NLGN4X: variants seen among roughly 807,000 people sequenced by gnomAD.
NLGN4X encodes the protein neuroligin 4 X-linked.
In NLGN4X, 3 loss-of-function variants were observed where a neutral mutation model predicts 40.3. The ratio of observed to expected loss-of-function variants is 0.07; its 90% CI spans 0.03 to 0.19. The LOEUF (loss-of-function observed/expected upper bound fraction) is 0.19. Among genes scored for constraint, NLGN4X ranks in the 10% least tolerant of loss-of-function variants. NLGN4X has a pLI of 1.00. For synonymous variants in NLGN4X, 270 were observed against 306.8 expected, an observed-to-expected ratio of 0.88 and a Z score of 1.25; for missense variants, 382 against 708.3, an observed-to-expected ratio of 0.54 and a Z score of 5.23.
chrX:6,214,157 A>G (rs966747197), intron 1 of NLGN4X, among the ~76,000 whole-genome samples: 38 of 111,919 alleles, frequency 3.4e-4, no homozygotes, highest in Non-Finnish European at 9.4e-5. Context: ...ACCCCAAAAT[A>G]TGAATGTCAG....
intron 2 of NLGN4X, among the ~76,000 whole-genome samples, chrX:6,112,628 G>C (rs2039178757): frequency 9.5e-6 from 1 of 105,237 alleles, no homozygotes; most frequent in African/African-American, 3.5e-5. Flanking sequence ...CTATCACCCA[G>C]GCTGGAGTGC....
At chrX:6,071,376 T>G (rs1425289362) in intron 2 of NLGN4X, among the ~76,000 whole-genome samples, 3 of 111,254 alleles carry the variant, frequency 2.7e-5, no homozygotes, top group African/African-American at 9.8e-5. Flanking sequence ...GGGAGAGTAA[T>G]ACGCCCATTT....
rs982565371 is a variant in NLGN4X at position 5,941,950 on chromosome X, T to G, written c.626-32711A>C. 3.6e-5 allele frequency among the ~76,000 whole-genome samples: 4 copies of G among 112,106 alleles called. 1 individual carries two copies. The highest frequency in any genetic ancestry group is 7.5e-5 in the Non-Finnish European group (4 of 53,250). On this transcript the variant is annotated intron_variant, in intron 3 of 5. Transcript: ENST00000381095. ...TAAAATGGTTTCTACATGTTGAGTC[T>G]TTTAAATTAAAAAGGACAAATAGGC...
intron 3 of NLGN4X, among the ~76,000 whole-genome samples, chrX:6,018,392 A>G (rs1296530632): frequency 8.9e-6 from 1 of 112,305 alleles, no homozygotes; most frequent in Admixed American, 9.4e-5. Flanking sequence ...TCATTCCAAA[A>G]TGTTCTCCCA....
intron 2 of NLGN4X, among the ~76,000 whole-genome samples, chrX:6,112,647 G>C (rs7889266): frequency 3.8e-5 from 4 of 105,670 alleles, no homozygotes; most frequent in African/African-American, 1.4e-4. Flanking sequence ...GCAATGGCGC[G>C]ATCTCGGCTC....
At chrX:6,052,434 C>T (rs1371665878) in intron 2 of NLGN4X, among the ~76,000 whole-genome samples, 1 of 112,352 alleles carries the variant, frequency 8.9e-6, no homozygotes, top group Admixed American at 9.4e-5. Flanking sequence ...TCTGTTTAGC[C>T]AGCCCCACAA....
intron 4 of NLGN4X, among the ~76,000 whole-genome samples, chrX:5,908,019 C>T (rs1016174757): frequency 1.4e-4 from 10 of 72,507 alleles, no homozygotes; most frequent in Non-Finnish European, 7.3e-5. Context: ...GGGAGAAAGA[C>T]AGGGAGAGTG....
intron 2 of NLGN4X, among the ~76,000 whole-genome samples, chrX:6,039,843 C>T (rs1312744597): frequency 8.9e-6 from 1 of 112,347 alleles, no homozygotes; most frequent in Non-Finnish European, 1.9e-5. Context: ...TTCATGGATG[C>T]TGGCCTCTTT....
chrX:5,902,683 C>A (rs939527947), intron 5 of NLGN4X, among the ~76,000 whole-genome samples: 2 of 112,030 alleles, frequency 1.8e-5, no homozygotes, highest in African/African-American at 6.5e-5. Context: ...CAGAGTGAGA[C>A]TGTGTCTCTA....
At chrX:6,048,657 T>C (rs1177071213) in intron 2 of NLGN4X, among the ~76,000 whole-genome samples, 1 of 111,552 alleles carries the variant, frequency 9.0e-6, no homozygotes, top group African/African-American at 3.3e-5. Flanking sequence ...TGGAATACTA[T>C]GCAGCCATAA....
intron 2 of NLGN4X, among the ~76,000 whole-genome samples, chrX:6,076,264 G>A (rs1020305341): frequency 8.9e-6 from 1 of 112,125 alleles, no homozygotes; most frequent in South Asian, 3.7e-4. Flanking sequence ...AGGAATTAAC[G>A]TATGTTATCC....
At chrX:6,007,732 A>C (rs777266529) in intron 3 of NLGN4X, among the ~76,000 whole-genome samples, 1 of 111,787 alleles carries the variant, frequency 8.9e-6, no homozygotes, top group East Asian at 2.8e-4. Context: ...GATACATATA[A>C]AATTTTCTCC....
intron 1 of NLGN4X, among the ~76,000 whole-genome samples, chrX:6,171,080 T>G (rs1355349362): frequency 2.7e-5 from 3 of 112,370 alleles, no homozygotes; most frequent in East Asian, 5.6e-4. Flanking sequence ...TATCTTGGCC[T>G]CCCAGAGTGC....
At chrX:5,941,063 G>A (rs1165141850) in intron 3 of NLGN4X, among the ~76,000 whole-genome samples, 1 of 108,050 alleles carries the variant, frequency 9.3e-6, no homozygotes, top group African/African-American at 3.4e-5. Context: ...AGGAGGTCGA[G>A]GCTGCAGTGA....
intron 3 of NLGN4X, among the ~76,000 whole-genome samples, chrX:5,995,310 G>C: frequency 8.9e-6 from 1 of 112,986 alleles, no homozygotes. Context: ...AGATGAGTCA[G>C]GGAGAAGCGA....
chrX:5,890,104 C>T lies in NLGN4X; in HGVS notation c.*2713G>A, dbSNP rs750724633. 369 of 216,373 alleles carry T rather than the reference C, an allele frequency of 1.7e-3. No homozygotes were observed. Among genetic ancestry groups the T allele is most frequent in the Non-Finnish European group, 2.7e-3 (319 of 119,765 alleles). The allele number at this position is 216,373 out of a possible 1,213,427, so 17.8% of individuals were successfully genotyped here. A position where few individuals can be genotyped will look rare whatever the true frequency, so the allele number is the denominator to read the frequency against. ...GCTGAAAAGTTTATACATATGTGTCCGGCCATATATATCTTCTATCATTAC... is the reference window on the plus strand; with the variant it reads ...GCTGAAAAGTTTATACATATGTGTCTGGCCATATATATCTTCTATCATTAC... On this transcript the variant is annotated 3_prime_UTR_variant, in exon 6 of 6. Coordinates refer to ENST00000381095, the MANE Select transcript of NLGN4X (RefSeq NM_181332.3).
chrX:6,011,745 G>A (rs1211661157), intron 3 of NLGN4X, among the ~76,000 whole-genome samples: 4 of 111,075 alleles, frequency 3.6e-5, no homozygotes, highest in African/African-American at 9.8e-5. Flanking sequence ...TTGTTTGAAC[G>A]TTATGTAATC....
At chrX:6,184,847 T>C (rs899707348) in intron 1 of NLGN4X, among the ~76,000 whole-genome samples, 1 of 112,474 alleles carries the variant, frequency 8.9e-6, no homozygotes, top group African/African-American at 3.2e-5. Flanking sequence ...TTTGGACCAA[T>C]ACACGGGAGA....
At chrX:6,056,366 C>T (rs765678438) in intron 2 of NLGN4X, among the ~76,000 whole-genome samples, 20 of 110,317 alleles carry the variant, frequency 1.8e-4, no homozygotes, top group African/African-American at 6.6e-4. Flanking sequence ...GTCCCAGCTA[C>T]TCGGAAGGCT....
Sources: gnomAD v4.1 joint callset for allele counts (sites outside exome capture counted in the v4.1 genomes callset) on GRCh38, gnomAD v4.1.1 for gene constraint, MANE v1.5 for transcripts, NCBI Gene and HGNC (gene_info 2026-07-23, HGNC 2026-07-21) for gene names.